NELL1: variants seen among roughly 807,000 people sequenced by gnomAD.
The protein encoded by NELL1 is neural EGFL like 1.
Under a neutral mutation model 107.4 loss-of-function variants are expected in NELL1, and 76 were observed. The observed-to-expected ratio is 0.71, with a 90% CI of 0.59 to 0.86. NELL1 has a LOEUF of 0.86. NELL1 is among the 40% of genes least tolerant of loss of function. The pLI is 0.00. For missense variants in NELL1, 1,024 were observed against 1,005.5 expected (o/e 1.02, Z -0.25); for synonymous variants, 353 against 341.2 (o/e 1.03, Z -0.38).
At chr11:21,135,775 C>A (rs982742660) in intron 13 of NELL1, among the ~76,000 whole-genome samples, 1 of 151,988 alleles carries the variant, frequency 6.6e-6, no homozygotes, top group Non-Finnish European at 1.5e-5. Context: ...AATATTAGAT[C>A]ATTTTTCTCT....
chr11:20,753,613 G>C (rs914611617), intron 2 of NELL1, among the ~76,000 whole-genome samples: 7 of 152,204 alleles, frequency 4.6e-5, no homozygotes, highest in Non-Finnish European at 1.0e-4. Context: ...AAGTCTAAAA[G>C]ATCAATAGCC....
intron 14 of NELL1, among the ~76,000 whole-genome samples, chr11:21,348,103 TCTTCC>T (rs377531289): frequency 0.34 from 51,496 of 151,864 alleles, 9,011 homozygotes; most frequent in South Asian, 0.4. Context: ...GGTTGCAATG[TCTTCC>T]AGAATAATTT....
intron 2 of NELL1, among the ~76,000 whole-genome samples, chr11:20,690,595 A>G (rs1293262972): frequency 6.9e-6 from 1 of 145,870 alleles, no homozygotes; most frequent in African/African-American, 2.6e-5. Flanking sequence ...ATAGTTGTAG[A>G]TATGTGGCGT....
chr11:21,077,906 T>C (rs1854178561), intron 12 of NELL1, among the ~76,000 whole-genome samples: 2 of 152,086 alleles, frequency 1.3e-5, no homozygotes, highest in African/African-American at 2.4e-5. Context: ...GCAGGTAAGA[T>C]ACAACCACAG....
chr11:21,363,027 T>C (rs1188156318), intron 14 of NELL1, among the ~76,000 whole-genome samples: 1 of 152,192 alleles, frequency 6.6e-6, no homozygotes, highest in East Asian at 1.9e-4. Flanking sequence ...CGCAGTGCTC[T>C]GCTCAGGCCT....
intron 14 of NELL1, among the ~76,000 whole-genome samples, chr11:21,301,646 C>T (rs570170971): frequency 3.7e-4 from 57 of 152,072 alleles, no homozygotes; most frequent in African/African-American, 1.3e-3. Flanking sequence ...TGGATATTAT[C>T]CCTTTGTCAG....
rs1788659226 is a variant in NELL1 at position 20,720,201 on chromosome 11, T to C, written c.184+42141T>C. Among the ~76,000 whole-genome samples, 5 of 26,058 alleles carry C rather than the reference T, an allele frequency of 1.9e-4. No homozygotes were observed. The Admixed American group carries it at 3.6e-3, about 19-fold the overall frequency. 17.1% of individuals were successfully genotyped at this position (26,058 alleles called of 152,430 possible). The stretch of plus-strand genomic sequence containing the variant: ...ATTTATAAGGTGGCCAGTTCATTCC[T>C]GTTTTTTTTTTTTTTCTTTTGAGAT... On this transcript the variant is annotated intron_variant, in intron 2 of 19. Transcript: ENST00000357134.
intron 10 of NELL1, 47 bp from the exon 11 acceptor site, chr11:20,947,289 A>C (rs1175828587): frequency 7.8e-7 from 1 of 1,286,204 alleles, no homozygotes; most frequent in South Asian, 1.2e-5. Flanking sequence ...TGTTCCATTG[A>C]CTAAAAATGT....
chr11:21,523,852 T>A (rs1028363694), intron 15 of NELL1, among the ~76,000 whole-genome samples: 1 of 152,196 alleles, frequency 6.6e-6, no homozygotes, highest in Non-Finnish European at 1.5e-5. Flanking sequence ...CTTAGTTATC[T>A]AATTTCCAGT....
At chr11:21,145,513 C>A (rs570758123) in intron 13 of NELL1, among the ~76,000 whole-genome samples, 2 of 152,122 alleles carry the variant, frequency 1.3e-5, no homozygotes. Flanking sequence ...AACCAGATAT[C>A]AGATGTAGAA....
At chr11:21,522,433 C>A (rs905928971) in intron 15 of NELL1, among the ~76,000 whole-genome samples, 2 of 152,082 alleles carry the variant, frequency 1.3e-5, no homozygotes, top group African/African-American at 4.8e-5. Flanking sequence ...AAACTGGAGG[C>A]CATTGTCCTA....
intron 2 of NELL1, among the ~76,000 whole-genome samples, chr11:20,715,719 A>G (rs796986020): frequency 6.6e-6 from 1 of 152,204 alleles, no homozygotes; most frequent in Non-Finnish European, 1.5e-5. Context: ...TGGAATTTTG[A>G]TGATCCTTTC....
chr11:21,073,217 G>C (rs897684193), intron 12 of NELL1, among the ~76,000 whole-genome samples: 3 of 152,118 alleles, frequency 2.0e-5, no homozygotes, highest in African/African-American at 7.2e-5. Flanking sequence ...AATAATCTTT[G>C]GTAACCATCA....
chr11:20,755,547 TTTG>T (rs1856249025), intron 2 of NELL1, among the ~76,000 whole-genome samples: 2 of 38,026 alleles, frequency 5.3e-5, no homozygotes, highest in Non-Finnish European at 1.1e-4. Flanking sequence ...TTTGTTTTTT[TTTG>T]TTTTTGTTTT....
At chr11:20,862,186 G>A (rs940105465) in intron 4 of NELL1, among the ~76,000 whole-genome samples, 2 of 152,138 alleles carry the variant, frequency 1.3e-5, no homozygotes, top group Non-Finnish European at 2.9e-5. Flanking sequence ...ATGATGATTC[G>A]GATGCTAAAT....
chr11:21,474,946 A>G (rs1044748300), intron 15 of NELL1, among the ~76,000 whole-genome samples: 3 of 151,850 alleles, frequency 2.0e-5, no homozygotes, highest in African/African-American at 7.3e-5. Flanking sequence ...TGCATCGCTT[A>G]TCTTAGTTCA....
At chr11:21,513,757 TTC>T (rs1855494374) in intron 15 of NELL1, among the ~76,000 whole-genome samples, 1 of 152,210 alleles carries the variant, frequency 6.6e-6, no homozygotes, top group African/African-American at 2.4e-5. Context: ...TAGCGATTAT[TTC>T]TCTTATTTTA....
At chr11:21,067,198 G>T (rs1853895447) in intron 12 of NELL1, among the ~76,000 whole-genome samples, 2 of 152,074 alleles carry the variant, frequency 1.3e-5, no homozygotes, top group Admixed American at 6.6e-5. Context: ...TTTCAAATCT[G>T]AAAGGGGAAT....
At chr11:20,777,004 A>C (rs1856763895) in intron 2 of NELL1, among the ~76,000 whole-genome samples, 1 of 152,212 alleles carries the variant, frequency 6.6e-6, no homozygotes, top group South Asian at 2.1e-4. Context: ...TATTCAATAA[A>C]TATTTCCTGA....
Sources: gnomAD v4.1 joint callset for allele counts (sites outside exome capture counted in the v4.1 genomes callset) on GRCh38, gnomAD v4.1.1 for gene constraint, MANE v1.5 for transcripts, NCBI Gene and HGNC (gene_info 2026-07-23, HGNC 2026-07-21) for gene names.